NDST4: variants seen among roughly 807,000 people sequenced by gnomAD.
NDST4 encodes N-deacetylase and N-sulfotransferase 4.
A neutral mutation model predicts 100.8 loss-of-function variants in NDST4; 63 were observed. The observed-to-expected ratio is 0.62, with a 90% CI of 0.51 to 0.77. The LOEUF is 0.77. NDST4 is among the 30% of genes least tolerant of loss of function. The pLI, the probability that NDST4 is intolerant of heterozygous loss-of-function variation, is 0.00. For missense variants in NDST4, 943 were observed against 1,018.4 expected (o/e 0.93, Z 1.01); for synonymous variants, 377 against 361.8 (o/e 1.04, Z -0.48).
At chr4:114,900,771 T>G (rs1335638242) in intron 6 of NDST4, among the ~76,000 whole-genome samples, 3 of 152,188 alleles carry the variant, frequency 2.0e-5, no homozygotes, top group Non-Finnish European at 4.4e-5. Flanking sequence ...TGACTGTACA[T>G]GCATTCAGTG....
intron 2 of NDST4, among the ~76,000 whole-genome samples, chr4:115,044,806 G>A (rs1728430627): frequency 6.8e-6 from 1 of 146,370 alleles, no homozygotes; most frequent in Admixed American, 7.0e-5. Flanking sequence ...AAAAGAAAAG[G>A]CCAGGTAAGT....
At chr4:115,089,821 C>T (rs1458812538) in intron 1 of NDST4, among the ~76,000 whole-genome samples, 3 of 151,666 alleles carry the variant, frequency 2.0e-5, no homozygotes, top group Non-Finnish European at 4.4e-5. Context: ...ATTGGAAAAC[C>T]AATTGCACCA....
chr4:114,927,488 T>C (rs1725410615), intron 6 of NDST4, among the ~76,000 whole-genome samples: 1 of 152,046 alleles, frequency 6.6e-6, no homozygotes, highest in South Asian at 2.1e-4. Context: ...GATTATATTA[T>C]TATTTTATTT....
At chr4:114,901,073 A>C (rs1211446073) in intron 6 of NDST4, among the ~76,000 whole-genome samples, 2 of 151,074 alleles carry the variant, frequency 1.3e-5, no homozygotes, top group Non-Finnish European at 3.0e-5. Flanking sequence ...AATGTGACCT[A>C]TCTTGGTTAC....
chr4:115,001,466 T>G (rs187309031), intron 2 of NDST4, among the ~76,000 whole-genome samples: 2 of 150,806 alleles, frequency 1.3e-5, no homozygotes, highest in East Asian at 3.9e-4. Flanking sequence ...GATTCATGGG[T>G]TTTTTTTTCC....
chr4:115,063,200 T>A (rs1376260293), intron 2 of NDST4, among the ~76,000 whole-genome samples: 2 of 151,932 alleles, frequency 1.3e-5, no homozygotes, highest in East Asian at 1.9e-4. Flanking sequence ...TAGGAAATGC[T>A]TCAAAATTAT....
intron 8 of NDST4, among the ~76,000 whole-genome samples, chr4:114,848,693 T>A (rs574856254): frequency 6.6e-6 from 1 of 152,250 alleles, no homozygotes. Context: ...TCCATCTTTA[T>A]CATTAGGCAT....
chr4:115,049,555 A>G (rs1728540357), intron 2 of NDST4, among the ~76,000 whole-genome samples: 1 of 152,160 alleles, frequency 6.6e-6, no homozygotes, highest in Non-Finnish European at 1.5e-5. Context: ...AATTGAACTA[A>G]TATGTAATTG....
At chr4:115,111,979 A>G (rs1729962268) in intron 1 of NDST4, among the ~76,000 whole-genome samples, 1 of 151,792 alleles carries the variant, frequency 6.6e-6, no homozygotes, top group Admixed American at 6.6e-5. Context: ...GTAAATGGCA[A>G]TTATATTTTG....
At chr4:115,102,766 T>C (rs1729758204) in intron 1 of NDST4, among the ~76,000 whole-genome samples, 1 of 141,696 alleles carries the variant, frequency 7.1e-6, no homozygotes, top group Non-Finnish European at 1.5e-5. Context: ...TGGAGTTCAA[T>C]GGTGCGGCCT....
chr4:114,959,027 G>A (rs1345480520), intron 4 of NDST4, among the ~76,000 whole-genome samples: 1 of 151,918 alleles, frequency 6.6e-6, no homozygotes, highest in Non-Finnish European at 1.5e-5. Context: ...GATCTCTAGG[G>A]CAGGGGCAAA....
chr4:115,046,492 G>A (rs1210513020), intron 2 of NDST4, among the ~76,000 whole-genome samples: 1 of 152,134 alleles, frequency 6.6e-6, no homozygotes, highest in Non-Finnish European at 1.5e-5. Flanking sequence ...TTCCCAAGGT[G>A]AGAAACTGTT....
chr4:114,960,435 G>A (rs577444263), intron 4 of NDST4, among the ~76,000 whole-genome samples: 4 of 151,838 alleles, frequency 2.6e-5, no homozygotes, highest in East Asian at 1.9e-4. Flanking sequence ...GTGAAACCCC[G>A]TCTCTATTAA....
At chr4:114,923,229 A>G (rs17486477) in intron 6 of NDST4, among the ~76,000 whole-genome samples, 46,980 of 152,058 alleles carry the variant, frequency 0.31, 8,604 homozygotes, top group Non-Finnish European at 0.43. Context: ...AAATATAAAA[A>G]TAGGAAAATA....
In NDST4 at chr4:115,098,229, A is replaced by G. The variant is rs113802382; in HGVS notation, c.-247+15215T>C. Among the ~76,000 whole-genome samples, 701 of 152,286 alleles carry G rather than the reference A, an allele frequency of 4.6e-3. 7 individuals are homozygous for G. Among genetic ancestry groups the G allele is most frequent in the African/African-American group, 0.015 (634 of 41,558 alleles). Reference sequence around the variant, plus strand: ...TTACAAACGAGTAGCAAGAAATTGGATTGAAAAGGTAGGTAGGTAATAGAA... The same window carrying G: ...TTACAAACGAGTAGCAAGAAATTGGGTTGAAAAGGTAGGTAGGTAATAGAA... On this transcript the variant is annotated intron_variant, in intron 1 of 13. Transcript: ENST00000264363.
intron 4 of NDST4, among the ~76,000 whole-genome samples, chr4:114,958,187 G>A (rs1426853679): frequency 1.3e-5 from 2 of 152,208 alleles, no homozygotes; most frequent in African/African-American, 2.4e-5. Context: ...ACACCTCAGC[G>A]TGGACATCCA....
At chr4:114,893,564 G>A (rs889608359) in intron 6 of NDST4, among the ~76,000 whole-genome samples, 6 of 151,528 alleles carry the variant, frequency 4.0e-5, no homozygotes, top group African/African-American at 1.2e-4. Flanking sequence ...TGTCTGTTCA[G>A]ATCCTTTGTC....
Position 115,076,260 on chromosome 4 carries a change from A to G in NDST4, c.777T>C (p.Asp259=). 2 of 1,613,982 alleles carry G rather than the reference A, an allele frequency of 1.2e-6. No homozygotes were observed. Among genetic ancestry groups the G allele is most frequent in the South Asian group, 1.1e-5 (1 of 91,088 alleles). ...SKTLFATVIQ[D]LGLHDGIQRV... Reference sequence around the variant, plus strand: ...TCTGAATTCCATCATGAAGCCCCAGATCCTGAATCACCGTTGCAAAGAGTG... The same window carrying G: ...TCTGAATTCCATCATGAAGCCCCAGGTCCTGAATCACCGTTGCAAAGAGTG... The change falls in exon 2 of 14, where the codon GAT becomes GAC. Residue 259 remains aspartate (D), a synonymous_variant. Coordinates refer to ENST00000264363, the MANE Select transcript of NDST4 (RefSeq NM_022569.3).
At chr4:115,028,526 C>A (rs1015643792) in intron 2 of NDST4, among the ~76,000 whole-genome samples, 1 of 143,496 alleles carries the variant, frequency 7.0e-6, no homozygotes, top group African/African-American at 2.6e-5. Flanking sequence ...GAGGTAGCAA[C>A]AAAATTCCTG....
Sources: allele counts gnomAD v4.1 joint callset (sites outside exome capture counted in the v4.1 genomes callset), GRCh38; gene constraint gnomAD v4.1.1; transcripts MANE v1.5; gene names NCBI Gene and HGNC (gene_info 2026-07-23, HGNC 2026-07-21).